The following PRKACB variants were observed in gnomAD, a reference collection of about 807,000 sequenced individuals.
PRKACB encodes the protein protein kinase cAMP-activated catalytic subunit beta.
PRKACB carries 16 observed loss-of-function variants against 51.4 expected under a neutral mutation model. The ratio of observed to expected loss-of-function variants is 0.31; its 90% CI spans 0.21 to 0.47. The LOEUF is 0.47. Among genes scored for constraint, PRKACB ranks in the 20% least tolerant of loss-of-function variants. The pLI is 1.00. For missense variants in PRKACB, 309 were observed against 464.5 expected (o/e 0.67, Z 3.08); for synonymous variants, 147 against 154.4 (o/e 0.95, Z 0.35).
At chr1:84,150,903 A>G (rs1209339860) in intron 1 of PRKACB, among the ~76,000 whole-genome samples, 1 of 152,226 alleles carries the variant, frequency 6.6e-6, no homozygotes, top group East Asian at 1.9e-4. Flanking sequence ...TAATAAGTTG[A>G]CACTGGAAAG....
intron 1 of PRKACB, among the ~76,000 whole-genome samples, chr1:84,169,990 T>G (rs1658883117): frequency 6.6e-6 from 1 of 151,730 alleles, no homozygotes; most frequent in African/African-American, 2.4e-5. Flanking sequence ...AACAGCACCT[T>G]GAAATGCTGA....
intron 8 of PRKACB, among the ~76,000 whole-genome samples, chr1:84,206,572 A>G (rs938769211): frequency 2.0e-5 from 3 of 152,306 alleles, no homozygotes; most frequent in Non-Finnish European, 4.4e-5. Context: ...TCCTTCAGCA[A>G]CAAGCTGTGA....
chr1:84,173,322 G>T (rs1391848517), intron 1 of PRKACB: 1 of 1,567,906 alleles, frequency 6.4e-7, no homozygotes, highest in Non-Finnish European at 8.7e-7. Context: ...TATTCTTTTT[G>T]ATCAAGCACG....
At chr1:84,228,956 G>A (rs901760147) in intron 9 of PRKACB, among the ~76,000 whole-genome samples, 7 of 150,648 alleles carry the variant, frequency 4.6e-5, no homozygotes, top group African/African-American at 7.3e-5. Flanking sequence ...TATACTTTAC[G>A]TTTTAGGGTA....
At chr1:84,117,472 T>A (rs913441219) in intron 1 of PRKACB, among the ~76,000 whole-genome samples, 10 of 152,180 alleles carry the variant, frequency 6.6e-5, no homozygotes, top group Middle Eastern at 3.2e-3. Context: ...ACTGATTCAA[T>A]CTCTCTGCTT....
intron 1 of PRKACB, among the ~76,000 whole-genome samples, chr1:84,100,578 C>T (rs531021471): frequency 3.4e-4 from 52 of 152,264 alleles, no homozygotes; most frequent in African/African-American, 1.3e-3. Flanking sequence ...CAAACTCCAT[C>T]AGTCTGATTC....
chr1:84,100,975 T>G (rs2100807673), intron 1 of PRKACB, among the ~76,000 whole-genome samples: 1 of 152,256 alleles, frequency 6.6e-6, no homozygotes, highest in South Asian at 2.1e-4. Flanking sequence ...TTCTAAAAAT[T>G]TGTGAAGTTT....
At chr1:84,190,104 A>G (rs896152659) in intron 5 of PRKACB, among the ~76,000 whole-genome samples, 3 of 151,780 alleles carry the variant, frequency 2.0e-5, no homozygotes, top group Admixed American at 2.0e-4. Flanking sequence ...CACCTAATAT[A>G]CTTTTCATAC....
At chr1:84,181,074 A>G (rs1663282947) in intron 2 of PRKACB, among the ~76,000 whole-genome samples, 1 of 152,034 alleles carries the variant, frequency 6.6e-6, no homozygotes, top group South Asian at 2.1e-4. Flanking sequence ...AAGCTGTGAA[A>G]TCAAACTATG....
At chr1:84,188,093 A>G (rs573840099) in intron 5 of PRKACB, among the ~76,000 whole-genome samples, 1 of 152,244 alleles carries the variant, frequency 6.6e-6, no homozygotes, top group African/African-American at 2.4e-5. Context: ...TTAAGGAGAA[A>G]AAAAGCAAAT....
At chr1:84,230,276 TG>T (rs1329663615) in intron 9 of PRKACB, among the ~76,000 whole-genome samples, 1 of 151,988 alleles carries the variant, frequency 6.6e-6, no homozygotes, top group African/African-American at 2.4e-5. Context: ...GGCTCTGTTC[TG>T]TTCCATTGAT....
At chr1:84,114,464 T>C (rs1650472949) in intron 1 of PRKACB, among the ~76,000 whole-genome samples, 1 of 146,062 alleles carries the variant, frequency 6.8e-6, no homozygotes, top group Non-Finnish European at 1.5e-5. Context: ...TGTAGTGTTC[T>C]TTTTTTTTTA....
chr1:84,133,797 G>A (rs915807810), intron 1 of PRKACB, among the ~76,000 whole-genome samples: 14 of 152,186 alleles, frequency 9.2e-5, no homozygotes, highest in Admixed American at 2.0e-4. Context: ...ACCCCTCAAA[G>A]CCCCAGAAGT....
intron 1 of PRKACB, among the ~76,000 whole-genome samples, chr1:84,098,457 T>C (rs1259445701): frequency 6.6e-6 from 1 of 152,096 alleles, no homozygotes; most frequent in Non-Finnish European, 1.5e-5. Context: ...CCTATTATCT[T>C]TGTCACATTT....
At chr1:84,228,635 G>C (rs1015097671) in intron 9 of PRKACB, among the ~76,000 whole-genome samples, 1 of 151,762 alleles carries the variant, frequency 6.6e-6, no homozygotes, top group Non-Finnish European at 1.5e-5. Context: ...GATCAAAGGA[G>C]AAAAATGTTT....
chr1:84,150,654 C>G (rs961891855), intron 1 of PRKACB, among the ~76,000 whole-genome samples: 4 of 152,052 alleles, frequency 2.6e-5, no homozygotes, highest in Non-Finnish European at 5.9e-5. Context: ...CCTCTCTTTG[C>G]CTGTGACATG....
chr1:84,126,037 C>T (rs548355281), intron 1 of PRKACB, among the ~76,000 whole-genome samples: 2 of 128,434 alleles, frequency 1.6e-5, no homozygotes, highest in Admixed American at 9.4e-5. Flanking sequence ...TCTGGGCATC[C>T]GCAGGAGTAG....
intron 1 of PRKACB, among the ~76,000 whole-genome samples, chr1:84,148,902 A>G (rs1329125757): frequency 6.6e-6 from 1 of 152,174 alleles, no homozygotes; most frequent in African/African-American, 2.4e-5. Context: ...TAGCCATATG[A>G]CAGAGTTAGA....
intron 1 of PRKACB, among the ~76,000 whole-genome samples, chr1:84,113,606 G>A (rs866364182): frequency 6.6e-5 from 10 of 152,136 alleles, no homozygotes; most frequent in Middle Eastern, 6.8e-3. Context: ...GCTATACAGT[G>A]GCAACAATTG....
Sources: allele counts gnomAD v4.1 joint callset (sites outside exome capture counted in the v4.1 genomes callset), GRCh38; gene constraint gnomAD v4.1.1; transcripts MANE v1.5; gene names NCBI Gene and HGNC (gene_info 2026-07-23, HGNC 2026-07-21).